Variants in INTS3 observed in about 807,000 individuals in gnomAD.
INTS3 encodes the protein SOSS complex subunit A.
INTS3 carries 34 observed loss-of-function variants against 146.3 expected under a neutral mutation model. The observed-to-expected ratio is 0.23, with a 90% CI of 0.18 to 0.31. The LOEUF is 0.31. Ranked by LOEUF, INTS3 falls within the 10% of genes least tolerant of loss-of-function variation. INTS3 has a pLI of 1.00. For missense variants in INTS3, 757 were observed against 1,304.2 expected, an observed-to-expected ratio of 0.58 and a Z score of 6.46; for synonymous variants, 475 against 494.9, an observed-to-expected ratio of 0.96 and a Z score of 0.53.
At chr1:153,751,380 G>C in intron 7 of INTS3, 141 bp downstream of exon 7, 1 of 813,196 alleles carries the variant, frequency 1.2e-6, no homozygotes, top group African/African-American at 1.7e-5. Context: ...TTCATCAACA[G>C]ATGAGGGTAG....
In INTS3 at chr1:153,770,055, T is replaced by TGG. The variant is rs370313990; in HGVS notation, c.2390-140_2390-139dup. 9.0e-5 allele frequency: 46 copies of TGG among 511,868 alleles called. 2 individuals are homozygous for TGG. The highest frequency in any genetic ancestry group is 6.4e-4 in the African/African-American group (15 of 23,298). The allele number at this position is 511,868 out of a possible 1,614,324, so 31.7% of individuals were successfully genotyped here. On this transcript the variant is annotated intron_variant, in intron 23 of 29. Transcript: ENST00000318967. ...CTTGGGGTGCTGGTAGTCAGTGGAT[T>TGG]GGGGTGTGTGTGTGTGTGTGTGTGT...
intron 3 of INTS3, among the ~76,000 whole-genome samples, chr1:153,741,905 G>T (rs1344493625): frequency 6.6e-6 from 1 of 152,188 alleles, no homozygotes; most frequent in East Asian, 1.9e-4. Flanking sequence ...ACTTGTCTGG[G>T]GTTCTTCACA....
Position 153,774,004 on chromosome 1 carries a change from TTTTG to T in INTS3, c.*738_*741del, listed in dbSNP as rs1399002909. Reference sequence around the variant, plus strand: ...TGAGTCTGTTTTTTTTTTTGTTTTTTTTTGTTTTTTTTTTGGCAGAGATAATCGT... The same window carrying T: ...TGAGTCTGTTTTTTTTTTTGTTTTTTTTTTTTTTTTGGCAGAGATAATCGT... On this transcript the variant is annotated 3_prime_UTR_variant, in exon 30 of 30. Coordinates refer to ENST00000318967, the MANE Select transcript of INTS3 (RefSeq NM_023015.5). The T allele has an allele frequency of 6.0e-6, 1 of 165,816 alleles. No individual in the cohort carries two copies. Among genetic ancestry groups the T allele is most frequent in the African/African-American group, 2.5e-5 (1 of 40,466 alleles). 10.3% of individuals were successfully genotyped at this position (165,816 alleles called of 1,614,324 possible). A position where few individuals can be genotyped will look rare whatever the true frequency, so the allele number is the denominator to read the frequency against.
intron 5 of INTS3, chr1:153,748,015 G>C (rs1192112472): frequency 1.3e-5 from 2 of 157,194 alleles, no homozygotes; most frequent in Non-Finnish European, 2.8e-5. Context: ...TGATGCTCCT[G>C]TTTTGATGTG....
At chr1:153,767,859 G>A in intron 21 of INTS3, 32 bp downstream of exon 21, 1 of 1,567,482 alleles carries the variant, frequency 6.4e-7, no homozygotes, top group Non-Finnish European at 8.7e-7. Flanking sequence ...TGTGCCGGGG[G>A]GCTCACAGGA....
intron 3 of INTS3, among the ~76,000 whole-genome samples, chr1:153,745,677 G>A (rs1383453488): frequency 6.6e-6 from 1 of 152,014 alleles, no homozygotes; most frequent in Non-Finnish European, 1.5e-5. Context: ...AAAACTAAGG[G>A]GGGAAGGGAA....
intron 5 of INTS3, 146 bp from the exon 6 acceptor site, chr1:153,748,543 A>G: frequency 4.1e-6 from 3 of 738,358 alleles, no homozygotes; most frequent in East Asian, 4.9e-5. Flanking sequence ...AAAGCCTGAC[A>G]GAACAGAAGG....
intron 1 of INTS3, among the ~76,000 whole-genome samples, chr1:153,731,725 A>G (rs1466310148): frequency 1.4e-5 from 2 of 148,122 alleles, no homozygotes; most frequent in Non-Finnish European, 3.0e-5. Context: ...AGCTGAGACT[A>G]CAGGCGCCTG....
intron 7 of INTS3, 90 bp downstream of exon 7, chr1:153,751,329 G>A: frequency 1.5e-6 from 2 of 1,291,920 alleles, no homozygotes; most frequent in African/African-American, 1.5e-5. Context: ...GAAATACCTT[G>A]TTAGAGATGA....
chr1:153,748,536 G>A (rs894573917), intron 5 of INTS3, 153 bp from the exon 6 acceptor site: 12 of 721,404 alleles, frequency 1.7e-5, no homozygotes, highest in South Asian at 1.3e-4. Flanking sequence ...AAACTTTAAA[G>A]CCTGACAGAA....
chr1:153,761,648 C>A lies in INTS3; in HGVS notation c.1488C>A (p.Phe496Leu), dbSNP rs1174734222. Residue 496 changes from phenylalanine (F) to leucine (L), a missense_variant, in exon 14 of 30, where the codon TTC becomes TTA. Transcript: ENST00000318967. ...TGCTGAGAGAGAAGTTTCCTGAGTTCTGCAGCTCACCCTCCCCACCTGTGG... is the reference window on the plus strand; with the variant it reads ...TGCTGAGAGAGAAGTTTCCTGAGTTATGCAGCTCACCCTCCCCACCTGTGG... ...RAMLREKFPE[F>L]CSSPSPPVEV... The A allele has an allele frequency of 6.2e-7, 1 of 1,613,384 alleles. No individual in the cohort carries two copies. The highest frequency in any genetic ancestry group is 1.7e-5 in the Admixed American group (1 of 60,022).
At position 153,765,300 on chromosome 1, in the gene INTS3, C is replaced by G. The variant is rs564088203; in HGVS notation, c.2090+237C>G. On this transcript the variant is annotated intron_variant, in intron 20 of 29. Coordinates refer to ENST00000318967, the MANE Select transcript of INTS3 (RefSeq NM_023015.5). The stretch of plus-strand genomic sequence containing the variant: ...TCCTGGGCTCAAGCCATCCTCCCCC[C>G]TCAGCATCCTGAGTAGCTGGGACTA... Among the ~76,000 whole-genome samples, 205 of 152,230 alleles carry G rather than the reference C, an allele frequency of 1.3e-3. 1 individual carries two copies. Among genetic ancestry groups the G allele is most frequent in the Middle Eastern group, 3.4e-3 (1 of 294 alleles).
At chr1:153,733,197 CTTTTTTTTTTTTTTTTTTTTT>C (rs60492889) in intron 1 of INTS3, among the ~76,000 whole-genome samples, 1 of 42,728 alleles carries the variant, frequency 2.3e-5, no homozygotes, top group Non-Finnish European at 4.1e-5. Context: ...TTACCGAATG[CTTTTTTTTTTTTTTTTTTTTT>C]TTTTTTTTTT....
In INTS3 at chr1:153,772,037, GTGGTGGTGGTGGTGA is replaced by G; in HGVS notation, c.2720+78_2720+92del. The G allele has an allele frequency of 7.2e-7, 1 of 1,397,664 alleles. No individual in the cohort carries two copies. Among genetic ancestry groups the G allele is most frequent in the Non-Finnish European group, 9.7e-7 (1 of 1,035,038 alleles). The allele number at this position is 1,397,664 out of a possible 1,614,324, so 86.6% of individuals were successfully genotyped here. ...ATTGCTGTCGGTGGTGGTGGTGGTGGTGGTGGTGGTGGTGATGGGGGTCAGTGCTGTCCCAGCCTG... is the reference window on the plus strand; with the variant it reads ...ATTGCTGTCGGTGGTGGTGGTGGTGGTGGGGGTCAGTGCTGTCCCAGCCTG... On this transcript the variant is annotated intron_variant, in intron 26 of 29. Transcript: ENST00000318967. This position sits in a 1 kb window ranked among gnomAD's most constrained non-coding sequence, Gnocchi z 4.6.
intron 7 of INTS3, chr1:153,752,036 G>A: frequency 2.0e-6 from 1 of 498,708 alleles, no homozygotes. Context: ...AGATTAATGT[G>A]AAAGCCAGCA....
Position 153,773,380 on chromosome 1 carries a change from C to T in INTS3, c.*110C>T. On this transcript the variant is annotated 3_prime_UTR_variant, in exon 30 of 30. Transcript: ENST00000318967. ...CAGGGGAAACACCCTTGCTGCATCC[C>T]CAAGCTCCCCCGGTGGAAGGAGGAG... is the stretch of plus-strand genomic sequence containing the variant. 2.9e-6 allele frequency: 3 copies of T among 1,023,436 alleles called. No individual in the cohort carries two copies. The South Asian group carries it at 3.9e-5, about 13-fold the overall frequency. The allele number at this position is 1,023,436 out of a possible 1,614,324, so 63.4% of individuals were successfully genotyped here. A position where few individuals can be genotyped will look rare whatever the true frequency, so the allele number is the denominator to read the frequency against.
chr1:153,758,220 C>T (rs1422719672), intron 10 of INTS3, among the ~76,000 whole-genome samples: 7 of 152,178 alleles, frequency 4.6e-5, no homozygotes, highest in Non-Finnish European at 2.9e-5. Context: ...CCTCTCTGTG[C>T]CTAGGGTGGG....
At position 153,765,135 on chromosome 1, in the gene INTS3, C is replaced by T. The variant is rs1570878419; in HGVS notation, c.2090+72C>T. On this transcript the variant is annotated intron_variant, in intron 20 of 29. Coordinates refer to ENST00000318967, the MANE Select transcript of INTS3 (RefSeq NM_023015.5). Reference sequence around the variant, plus strand: ...AGAGCCTCTCTTCCACACGCTGACTCCCCAACCCTGGACTGTCATCACCAG... The same window carrying T: ...AGAGCCTCTCTTCCACACGCTGACTTCCCAACCCTGGACTGTCATCACCAG... 7 of 1,544,716 alleles carry T rather than the reference C, an allele frequency of 4.5e-6. No homozygotes were observed. In the East Asian group the frequency reaches 9.0e-5, roughly 20 times the overall value.
In INTS3 at chr1:153,759,506, TTCTCCCCTCTCTTTTCCAGTCAAATG is replaced by T. The variant is rs763368789; in HGVS notation, c.1150-17_1158del. The T allele has an allele frequency of 6.4e-7, 1 of 1,558,820 alleles. No homozygotes were observed. The highest frequency in any genetic ancestry group is 1.1e-5 in the South Asian group (1 of 89,950). ...GTGATTGATGAAACTAGCCCTCTGT[TTCTCCCCTCTCTTTTCCAGTCAAATG>T]TCGCTGCCTCCAATGCCAAGCTGGC... is the stretch of plus-strand genomic sequence containing the variant. On this transcript the variant is annotated splice_acceptor_variant and splice_polypyrimidine_tract_variant and coding_sequence_variant and intron_variant, in exon 11 of 30. Transcript: ENST00000318967. LOFTEE classifies it high-confidence loss of function.
Sources: allele counts gnomAD v4.1 joint callset (sites outside exome capture counted in the v4.1 genomes callset), GRCh38; gene constraint gnomAD v4.1.1; non-coding constraint Gnocchi (gnomAD v3.1); transcripts MANE v1.5; gene names NCBI Gene and HGNC (gene_info 2026-07-23, HGNC 2026-07-21).